Variants in B4GALNT3 observed in about 807,000 individuals in gnomAD.
B4GALNT3 encodes the protein beta-1,4-N-acetyl-galactosaminyltransferase 3, also known as beta-1,4-N-acetylgalactosaminyltransferase 3.
A neutral mutation model predicts 120.2 loss-of-function variants in B4GALNT3; 86 were observed. That is an observed-to-expected ratio of 0.72 (90% CI 0.60 to 0.86). The LOEUF (loss-of-function observed/expected upper bound fraction) is 0.86. Ranked by LOEUF, B4GALNT3 falls within the 40% of genes least tolerant of loss-of-function variation. The pLI is 0.00. For missense variants in B4GALNT3, 1,167 were observed against 1,298.9 expected (o/e 0.90, Z 1.56); for synonymous variants, 518 against 510.4 (o/e 1.01, Z -0.20).
chr12:463,190 T>G (rs928995412), intron 1 of B4GALNT3, among the ~76,000 whole-genome samples: 2 of 152,228 alleles, frequency 1.3e-5, no homozygotes, highest in African/African-American at 4.8e-5. Context: ...TTCATTTGCC[T>G]GTCCCTGTGT....
chr12:461,355 AG>A (rs1394846747), intron 1 of B4GALNT3, among the ~76,000 whole-genome samples: 1 of 152,182 alleles, frequency 6.6e-6, no homozygotes, highest in African/African-American at 2.4e-5. Context: ...GTTTCCTCCT[AG>A]GAAAACAGGA....
At chr12:528,550 A>G (rs1264181693) in intron 1 of B4GALNT3, among the ~76,000 whole-genome samples, 1 of 152,226 alleles carries the variant, frequency 6.6e-6, no homozygotes, top group African/African-American at 2.4e-5. Flanking sequence ...CGTGTACTAG[A>G]AAGGATAGGT....
intron 1 of B4GALNT3, among the ~76,000 whole-genome samples, chr12:531,468 G>A (rs1234059362): frequency 6.6e-6 from 1 of 151,984 alleles, no homozygotes; most frequent in Non-Finnish European, 1.5e-5. Flanking sequence ...GGACAACATA[G>A]AAAGACCCCA....
Position 460,048 on chromosome 12 carries a change from G to A in B4GALNT3, c.-329G>A, listed in dbSNP as rs890815286. Among the ~76,000 whole-genome samples, 23 of 150,966 alleles carry A rather than the reference G, an allele frequency of 1.5e-4. No homozygotes were observed. Among genetic ancestry groups the A allele is most frequent in the African/African-American group, 4.6e-4 (19 of 41,294 alleles). Reference sequence around the variant, plus strand: ...GGGGAAGCCTCCTTCTGGGCAGCGAGTGAGGGCGGGCGCGCAGGGAGGGAG... The same window carrying A: ...GGGGAAGCCTCCTTCTGGGCAGCGAATGAGGGCGGGCGCGCAGGGAGGGAG... On this transcript the variant is annotated 5_prime_UTR_variant, in exon 1 of 20. In the 5' UTR this introduces an upstream ATG that the reference lacks. Transcript: ENST00000266383. This position sits in a 1 kb window ranked among gnomAD's most constrained non-coding sequence, Gnocchi z 8.0.
chr12:526,541 C>T (rs1281267260), intron 1 of B4GALNT3, among the ~76,000 whole-genome samples: 3 of 152,188 alleles, frequency 2.0e-5, no homozygotes, highest in East Asian at 3.9e-4. Context: ...GAGCCTATTA[C>T]GTCTAGATTT....
At chr12:549,715 G>A (rs1947054270) in intron 9 of B4GALNT3, 54 bp from the exon 10 acceptor site, 2 of 1,608,686 alleles carry the variant, frequency 1.2e-6, no homozygotes, top group Non-Finnish European at 8.5e-7. Flanking sequence ...AGGGCAGTGG[G>A]CTGCTGCGCT....
chr12:464,015 T>C (rs994371909), intron 1 of B4GALNT3, among the ~76,000 whole-genome samples: 1 of 152,124 alleles, frequency 6.6e-6, no homozygotes, highest in Middle Eastern at 3.2e-3. Flanking sequence ...GGCATGGTGG[T>C]TCTGGAACAG....
At chr12:478,932 A>G (rs893803425) in intron 1 of B4GALNT3, among the ~76,000 whole-genome samples, 9 of 152,212 alleles carry the variant, frequency 5.9e-5, no homozygotes, top group African/African-American at 1.4e-4. Flanking sequence ...CTTATGGACA[A>G]TGGAAGTGGA....
In B4GALNT3 at chr12:559,218, C is replaced by T. The variant is rs1947195232; in HGVS notation, c.2762-77C>T. ...TCTGACTTTCAGAAGAGCCTCTAGG[C>T]ACACAGCCTGGAAGCCTCCTTCCTT... On this transcript the variant is annotated intron_variant, in intron 18 of 19. Transcript: ENST00000266383. 17 of 1,586,312 alleles carry T rather than the reference C, an allele frequency of 1.1e-5. No individual in the cohort carries two copies. In the South Asian group the frequency reaches 1.6e-4, roughly 15 times the overall value.
chr12:511,125 G>A (rs1946545453), intron 1 of B4GALNT3, among the ~76,000 whole-genome samples: 1 of 135,660 alleles, frequency 7.4e-6, no homozygotes, highest in South Asian at 2.4e-4. Context: ...TGCCTGCCAA[G>A]CTCAAGGTAT....
intron 1 of B4GALNT3, among the ~76,000 whole-genome samples, chr12:511,457 T>C (rs1326223409): frequency 1.2e-5 from 1 of 86,800 alleles, no homozygotes; most frequent in Non-Finnish European, 2.2e-5. Flanking sequence ...TTCCACCTTC[T>C]TCCACCTTCC....
At chr12:484,821 G>T (rs545801187) in intron 1 of B4GALNT3, among the ~76,000 whole-genome samples, 3 of 150,898 alleles carry the variant, frequency 2.0e-5, no homozygotes, top group African/African-American at 4.9e-5. Flanking sequence ...AAAACCACTC[G>T]TTTTGGTTTG....
chr12:525,657 A>G lies in B4GALNT3; in HGVS notation c.170-9509A>G, dbSNP rs192955163. ...AAGTCAGGGCGGAGTCACTTCCGCC[A>G]AGCTGGGAAGAGTTCCTGCTCCCTC... On this transcript the variant is annotated intron_variant, in intron 1 of 19. Transcript: ENST00000266383. Among the ~76,000 whole-genome samples, 47 of 152,318 alleles carry G rather than the reference A, an allele frequency of 3.1e-4. No individual in the cohort carries two copies. The East Asian group carries it at 7.7e-3, about 25-fold the overall frequency.
chr12:511,380 C>T (rs532285173), intron 1 of B4GALNT3, among the ~76,000 whole-genome samples: 171 of 126,820 alleles, frequency 1.3e-3, no homozygotes, highest in Middle Eastern at 4.5e-3. Flanking sequence ...TTCCGCCTTC[C>T]GCCTTCCACC....
intron 1 of B4GALNT3, among the ~76,000 whole-genome samples, chr12:467,429 T>C (rs554620816): frequency 9.9e-5 from 15 of 152,220 alleles, no homozygotes; most frequent in South Asian, 2.1e-4. Context: ...TGTGGTGGTG[T>C]GTGCCTGTAG....
At chr12:546,568 C>A (rs1337180768) in intron 6 of B4GALNT3, 78 bp from the exon 7 acceptor site, 4 of 1,304,202 alleles carry the variant, frequency 3.1e-6, no homozygotes, top group Admixed American at 4.0e-5. Flanking sequence ...GGTTCTCCTT[C>A]CTGGTCTCGC....
At chr12:473,995 G>A (rs1946160803) in intron 1 of B4GALNT3, among the ~76,000 whole-genome samples, 1 of 152,160 alleles carries the variant, frequency 6.6e-6, no homozygotes, top group African/African-American at 2.4e-5. Flanking sequence ...ACACCAAAAG[G>A]GTGTCAGGAT....
chr12:561,698 C>A lies in B4GALNT3; in HGVS notation c.*247C>A. 2 of 473,230 alleles carry A rather than the reference C, an allele frequency of 4.2e-6. No individual in the cohort carries two copies. The highest frequency in any genetic ancestry group is 3.6e-5 in the East Asian group (1 of 27,568). 29.3% of individuals were successfully genotyped at this position (473,230 alleles called of 1,614,324 possible). On this transcript the variant is annotated 3_prime_UTR_variant, in exon 20 of 20. Coordinates refer to ENST00000266383, the MANE Select transcript of B4GALNT3 (RefSeq NM_173593.4). ...GGCCAGGAGGGACCACTTGCTCAGT[C>A]GAGAACGGGAAGAGCTCCTGAGAAG...
rs1565584230 is a variant in B4GALNT3, at chr12:460,544, G to A, written c.168G>A (p.Arg56=). ...SAQVGGNPLN[R]RYGSWRELAK... ...AGGTCGGCGGGAACCCCCTGAACCGGAGTAAGTAGCACCCAGGGGAGGCGA... is the reference window on the plus strand; with the variant it reads ...AGGTCGGCGGGAACCCCCTGAACCGAAGTAAGTAGCACCCAGGGGAGGCGA... The change falls in exon 1 of 20, where the codon CGG becomes CGA. Residue 56 remains arginine (R), a splice_region_variant and synonymous_variant. Transcript: ENST00000266383. The surrounding 1 kb of genome is among the most constrained non-coding windows in gnomAD (Gnocchi z 8.0). 6.7e-7 allele frequency: 1 copy of A among 1,497,788 alleles called. No homozygotes were observed. Among genetic ancestry groups the A allele is most frequent in the Non-Finnish European group, 9.0e-7 (1 of 1,116,332 alleles). The allele number at this position is 1,497,788 out of a possible 1,614,324, so 92.8% of individuals were successfully genotyped here.
Sources: allele counts gnomAD v4.1 joint callset (sites outside exome capture counted in the v4.1 genomes callset), GRCh38; gene constraint gnomAD v4.1.1; non-coding constraint Gnocchi (gnomAD v3.1); transcripts MANE v1.5; gene names NCBI Gene and HGNC (gene_info 2026-07-23, HGNC 2026-07-21).